Variants in FUT9 observed in about 807,000 individuals in gnomAD.
FUT9 encodes 4-galactosyl-N-acetylglucosaminide 3-alpha-L-fucosyltransferase 9.
A neutral mutation model predicts 29.7 loss-of-function variants in FUT9; 15 were observed. The ratio of observed to expected loss-of-function variants is 0.51; its 90% confidence interval spans 0.34 to 0.78. The LOEUF (loss-of-function observed/expected upper bound fraction) is 0.78. Ranked by LOEUF, FUT9 falls within the 30% of genes least tolerant of loss-of-function variation. The probability of loss-of-function intolerance (pLI) is 0.01; values close to 1 mark genes in which losing one functional copy is unlikely to be tolerated. For missense variants in FUT9, 319 were observed against 425.4 expected, an observed-to-expected ratio of 0.75 and a Z score of 2.20; for synonymous variants, 169 against 153.7, an observed-to-expected ratio of 1.10 and a Z score of -0.74.
At chr6:96,082,358 C>A (rs994560974) in intron 1 of FUT9, among the ~76,000 whole-genome samples, 1 of 150,496 alleles carries the variant, frequency 6.6e-6, no homozygotes, top group African/African-American at 2.4e-5. Flanking sequence ...TTTACTTTCA[C>A]TTTTTTTTTC....
intron 2 of FUT9, among the ~76,000 whole-genome samples, chr6:96,118,860 T>A (rs865781208): frequency 6.6e-6 from 1 of 152,012 alleles, no homozygotes; most frequent in African/African-American, 2.4e-5. Context: ...TCTTAGTTTT[T>A]ACAAATTTAA....
chr6:96,124,605 T>C (rs1772098123), intron 2 of FUT9, among the ~76,000 whole-genome samples: 2 of 152,104 alleles, frequency 1.3e-5, no homozygotes, highest in Admixed American at 1.3e-4. Context: ...GCTTCTAGTC[T>C]CCTCCCAGAA....
At chr6:96,160,503 A>C (rs922241189) in intron 2 of FUT9, among the ~76,000 whole-genome samples, 2 of 152,182 alleles carry the variant, frequency 1.3e-5, no homozygotes, top group South Asian at 2.1e-4. Flanking sequence ...AGTTGACATA[A>C]TATGCATGAA....
At chr6:96,169,948 T>A (rs1178108166) in intron 2 of FUT9, among the ~76,000 whole-genome samples, 1 of 152,174 alleles carries the variant, frequency 6.6e-6, no homozygotes, top group Non-Finnish European at 1.5e-5. Flanking sequence ...GAACAGGTTA[T>A]TTATTTCACA....
At chr6:96,189,861 T>A (rs6910918) in intron 2 of FUT9, among the ~76,000 whole-genome samples, 138,846 of 152,148 alleles carry the variant, frequency 0.91, 64,712 homozygotes, top group Non-Finnish European at 1. Flanking sequence ...TCTTTATCCA[T>A]TTTACCAGTC....
chr6:96,171,517 G>A (rs1322553457), intron 2 of FUT9, among the ~76,000 whole-genome samples: 2 of 152,104 alleles, frequency 1.3e-5, no homozygotes, highest in East Asian at 3.9e-4. Flanking sequence ...TGTCTGAGAC[G>A]CTCTTCCTCC....
intron 2 of FUT9, among the ~76,000 whole-genome samples, chr6:96,196,616 G>A (rs938486961): frequency 1.3e-5 from 2 of 152,088 alleles, no homozygotes; most frequent in African/African-American, 4.8e-5. Context: ...GGAGGCTGAG[G>A]CAGGAGAATC....
intron 1 of FUT9, among the ~76,000 whole-genome samples, chr6:96,078,569 T>C (rs542071301): frequency 9.2e-5 from 14 of 151,776 alleles, no homozygotes; most frequent in African/African-American, 3.1e-4. Flanking sequence ...TACAGGCACA[T>C]GCCACTACGC....
At chr6:96,129,446 A>T (rs915898334) in intron 2 of FUT9, among the ~76,000 whole-genome samples, 2 of 152,026 alleles carry the variant, frequency 1.3e-5, no homozygotes, top group African/African-American at 4.8e-5. Context: ...ACAGAGTGAG[A>T]CCCTGTCTCA....
Position 96,183,590 on chromosome 6 carries a change from G to T in FUT9, c.-8-19558G>T, listed in dbSNP as rs567264499. Among the ~76,000 whole-genome samples the T allele has an allele frequency of 1.4e-4, 21 of 152,028 alleles. No homozygotes were observed. The South Asian group carries it at 4.4e-3, about 32-fold the overall frequency. Reference sequence around the variant, plus strand: ...CATTGGCTGTGGGTTTGTCATAGATGGCTTTTATTACATTGTGGTATGTCC... The same window carrying T: ...CATTGGCTGTGGGTTTGTCATAGATTGCTTTTATTACATTGTGGTATGTCC... On this transcript the variant is annotated intron_variant, in intron 2 of 2. Transcript: ENST00000302103.
chr6:96,016,926 ATTG>A (rs925311248), intron 1 of FUT9, among the ~76,000 whole-genome samples: 5 of 152,184 alleles, frequency 3.3e-5, no homozygotes, highest in South Asian at 2.1e-4. Flanking sequence ...ACTTTTTGTT[ATTG>A]TTGTTTTAAA....
chr6:96,189,541 A>G (rs1476193420), intron 2 of FUT9, among the ~76,000 whole-genome samples: 2 of 152,078 alleles, frequency 1.3e-5, no homozygotes, highest in Non-Finnish European at 2.9e-5. Flanking sequence ...GTGGGAGTCT[A>G]AGTCTCTTTG....
At chr6:96,055,705 TTTTC>T (rs142508747) in intron 1 of FUT9, among the ~76,000 whole-genome samples, 57,035 of 119,300 alleles carry the variant, frequency 0.48, 11,907 homozygotes, top group South Asian at 0.6. Flanking sequence ...TTCTATTTCT[TTTTC>T]TTTTTTTTTT....
rs1773909449 is a variant in FUT9 at position 96,210,161 on chromosome 6, G to C, written c.*5926G>C. On this transcript the variant is annotated 3_prime_UTR_variant, in exon 3 of 3. Coordinates refer to ENST00000302103, the MANE Select transcript of FUT9 (RefSeq NM_006581.4). ...TAGTTTTGAGGTTTTCATCCCACCT[G>C]TTTAGATGGGTAGTATTCTATTAAA... 6.0e-6 allele frequency: 1 copy of C among 166,878 alleles called. No homozygotes were observed. The highest frequency in any genetic ancestry group is 2.1e-4 in the South Asian group (1 of 4,826). 10.3% of individuals were successfully genotyped at this position (166,878 alleles called of 1,614,324 possible).
chr6:96,070,829 A>G (rs148683094), intron 1 of FUT9, among the ~76,000 whole-genome samples: 1,614 of 152,318 alleles, frequency 0.011, 19 homozygotes, highest in South Asian at 0.055. Context: ...TGTATAATAT[A>G]TCCTAGATTC....
intron 1 of FUT9, among the ~76,000 whole-genome samples, chr6:96,110,990 T>C (rs2127960652): frequency 6.6e-6 from 1 of 152,250 alleles, no homozygotes; most frequent in African/African-American, 2.4e-5. Flanking sequence ...TTGAAACTCC[T>C]TTATACAAAA....
At position 96,203,662 on chromosome 6, in the gene FUT9, C is replaced by T. The variant is rs1461052234; in HGVS notation, c.507C>T (p.Gly169=). The change falls in exon 3 of 3, where the codon GGC becomes GGT. Residue 169 remains glycine, a synonymous_variant. Coordinates refer to ENST00000302103, the MANE Select transcript of FUT9 (RefSeq NM_006581.4). ...RRDSDIQVPY[G]FLTVSTNPFV... ...ATTCAGATATCCAAGTGCCTTATGGCTTCTTGACGGTAAGCACAAATCCCT... is the reference window on the plus strand; with the variant it reads ...ATTCAGATATCCAAGTGCCTTATGGTTTCTTGACGGTAAGCACAAATCCCT... 2.5e-6 allele frequency: 4 copies of T among 1,613,986 alleles called. No homozygotes were observed. The East Asian group carries it at 6.7e-5, about 27-fold the overall frequency.
At chr6:96,179,570 T>G (rs1257336390) in intron 2 of FUT9, among the ~76,000 whole-genome samples, 3 of 152,186 alleles carry the variant, frequency 2.0e-5, no homozygotes, top group African/African-American at 4.8e-5. Context: ...AGAGGGATAC[T>G]ATTCAAAACA....
chr6:96,111,540 AACACAC>A (rs66491542), intron 1 of FUT9, among the ~76,000 whole-genome samples: 17,132 of 145,480 alleles, frequency 0.12, 1,071 homozygotes, highest in Non-Finnish European at 0.14. Flanking sequence ...TGATTTGGGA[AACACAC>A]ACACACACAC....
Sources: allele counts gnomAD v4.1 joint callset (sites outside exome capture counted in the v4.1 genomes callset), GRCh38; gene constraint gnomAD v4.1.1; transcripts MANE v1.5; gene names NCBI Gene and HGNC (gene_info 2026-07-23, HGNC 2026-07-21).